TOPBP1: variants seen among roughly 807,000 people sequenced by gnomAD.
The protein encoded by TOPBP1 is DNA topoisomerase II binding protein 1.
TOPBP1 carries 28 observed loss-of-function variants against 167.7 expected under a neutral mutation model. That is an observed-to-expected ratio of 0.17 (90% CI 0.12 to 0.23). TOPBP1 has a LOEUF of 0.23. Ranked by LOEUF, TOPBP1 falls within the 10% of genes least tolerant of loss-of-function variation. TOPBP1 has a pLI of 1.00. For missense variants in TOPBP1, 1,554 were observed against 1,809.6 expected (o/e 0.86, Z 2.56); for synonymous variants, 598 against 611.4 (o/e 0.98, Z 0.32).
rs560408162 is a variant in TOPBP1 at position 133,602,643 on chromosome 3, A to C, written c.4426-1250T>G. Among the ~76,000 whole-genome samples, 6 of 152,340 alleles carry C rather than the reference A, an allele frequency of 3.9e-5. No homozygotes were observed. In the South Asian group the frequency reaches 1.2e-3, roughly 32 times the overall value. On this transcript the variant is annotated intron_variant, in intron 27 of 27. Coordinates refer to ENST00000260810, the MANE Select transcript of TOPBP1 (RefSeq NM_007027.4). ...GTCAGCACACTTTCTGTAAAGGCTCAGACAGAAACATTTTAGATTTTGTGG... is the reference window on the plus strand; with the variant it reads ...GTCAGCACACTTTCTGTAAAGGCTCCGACAGAAACATTTTAGATTTTGTGG...
At chr3:133,640,866 T>C (rs1207898339) in intron 12 of TOPBP1, among the ~76,000 whole-genome samples, 2 of 152,212 alleles carry the variant, frequency 1.3e-5, no homozygotes, top group African/African-American at 4.8e-5. Context: ...TTATCTCATT[T>C]GATCCTCTCA....
chr3:133,653,588 A>C, intron 6 of TOPBP1, 64 bp from the exon 7 acceptor site: 2 of 1,333,246 alleles, frequency 1.5e-6, no homozygotes, highest in Non-Finnish European at 2.0e-6. Context: ...AAACCATTAC[A>C]ATCTATCTTT....
chr3:133,632,241 C>T (rs909999918), intron 14 of TOPBP1, among the ~76,000 whole-genome samples: 2 of 151,690 alleles, frequency 1.3e-5, no homozygotes, highest in Non-Finnish European at 2.9e-5. Flanking sequence ...CCCGTCTCTA[C>T]TGAAAATACA....
intron 23 of TOPBP1, among the ~76,000 whole-genome samples, chr3:133,615,697 A>T (rs1278302454): frequency 6.6e-6 from 1 of 152,140 alleles, no homozygotes; most frequent in South Asian, 2.1e-4. Context: ...ACTTTATATA[A>T]AAAAAAACTC....
rs1936736205 is a variant in TOPBP1, at chr3:133,661,895, A to C, written c.-134T>G. 1 of 152,218 alleles carries C rather than the reference A, an allele frequency of 6.6e-6. No individual in the cohort carries two copies. Among genetic ancestry groups the C allele is most frequent in the African/African-American group, 2.4e-5 (1 of 41,472 alleles). The allele number at this position is 152,218 out of a possible 1,614,324, so 9.4% of individuals were successfully genotyped here. On this transcript the variant is annotated 5_prime_UTR_variant, in exon 1 of 28. Coordinates refer to ENST00000260810, the MANE Select transcript of TOPBP1 (RefSeq NM_007027.4). ...CCGACTCGGCGCCGCCCCTACCCCA[A>C]AGCAAACGCTGGAGAACCCGGAAAT... is the stretch of plus-strand genomic sequence containing the variant.
At chr3:133,657,666 T>C (rs1936523944) in intron 4 of TOPBP1, 132 bp downstream of exon 4, 2 of 574,148 alleles carry the variant, frequency 3.5e-6, no homozygotes, top group Admixed American at 8.4e-5. Context: ...CACACTGTGG[T>C]TGTATACTGA....
Position 133,618,236 on chromosome 3 carries a change from T to G in TOPBP1, c.3569A>C (p.His1190Pro), listed in dbSNP as rs779093286. The G allele has an allele frequency of 6.2e-7, 1 of 1,613,900 alleles. No homozygotes were observed. Among genetic ancestry groups the G allele is most frequent in the Non-Finnish European group, 8.5e-7 (1 of 1,179,794 alleles). Residue 1190 changes from histidine to proline, a missense_variant, in exon 21 of 28, where the codon CAT (histidine) becomes CCT (proline). Around this residue, in one of 3 missense-constraint regions of TOPBP1, gnomAD observed 351 missense variants for 432.9 expected, o/e 0.81. Coordinates refer to ENST00000260810, the MANE Select transcript of TOPBP1 (RefSeq NM_007027.4). ...LEDSPFQKPL[H>P]DSEIAKQAVC... ...ACCCTGTTTAGCAATTTCTGAATCA[T>G]GTAAAGGCTTTTGAAAAGGAGAATC...
chr3:133,608,686 C>A lies in TOPBP1; in HGVS notation c.4274G>T (p.Gly1425Val). 3 of 1,613,036 alleles carry A rather than the reference C, an allele frequency of 1.9e-6. No individual in the cohort carries two copies. The highest frequency in any genetic ancestry group is 2.5e-6 in the Non-Finnish European group (3 of 1,179,642). ...CTCTTTAAATAAAGGTACAGAATGA[C>A]CAGGTAGCACCTAATGAAAAAACAA... ...LQSGGAKVLP[G>V]HSVPLFKEAT... The change falls in exon 27 of 28, where the codon GGT (glycine) becomes GTT (valine). Residue 1425 changes from glycine to valine, a missense_variant. Gly to Val is a moderately radical substitution (Grantham distance 109). This residue lies in a region of TOPBP1 where 351 missense variants were observed against 432.9 expected (regional missense o/e 0.81). Coordinates refer to ENST00000260810, the MANE Select transcript of TOPBP1 (RefSeq NM_007027.4).
intron 13 of TOPBP1, among the ~76,000 whole-genome samples, chr3:133,638,815 T>C (rs1189155917): frequency 2.0e-5 from 3 of 152,296 alleles, no homozygotes; most frequent in East Asian, 1.9e-4. Flanking sequence ...CCTTATTAGA[T>C]AGCTACTCCA....
chr3:133,661,214 G>A (rs1936701167), intron 1 of TOPBP1, 80 bp from the exon 2 acceptor site: 1 of 1,054,436 alleles, frequency 9.5e-7, no homozygotes, highest in African/African-American at 1.7e-5. Flanking sequence ...CTATTTTTCT[G>A]TGCAGACAAG....
At position 133,623,414 on chromosome 3, in the gene TOPBP1, T is replaced by A. The variant is rs1307338369; in HGVS notation, c.2972A>T (p.His991Leu). Residue 991 changes from histidine (H) to leucine (L), a missense_variant, in exon 18 of 28, where the codon CAT becomes CTT. His to Leu is a moderately conservative substitution (Grantham distance 99, BLOSUM62 -3). Coordinates refer to ENST00000260810, the MANE Select transcript of TOPBP1 (RefSeq NM_007027.4). ...CAAGCTCATTTTGGGATTATAAGTATGTGGATAAAGAGATTCAGGAAGATG... is the reference window on the plus strand; with the variant it reads ...CAAGCTCATTTTGGGATTATAAGTAAGTGGATAAAGAGATTCAGGAAGATG... ...CKHLPESLYP[H>L]TYNPKMSLDI... 6.2e-7 allele frequency: 1 copy of A among 1,612,956 alleles called. No homozygotes were observed. Among genetic ancestry groups the A allele is most frequent in the Non-Finnish European group, 8.5e-7 (1 of 1,179,432 alleles).
intron 22 of TOPBP1, 49 bp downstream of exon 22, chr3:133,617,111 C>T: frequency 6.5e-7 from 1 of 1,541,462 alleles, no homozygotes; most frequent in African/African-American, 1.4e-5. Flanking sequence ...CTAATACAGC[C>T]TAACAGCAGT....
At chr3:133,657,777 C>A in intron 4 of TOPBP1, 21 bp downstream of exon 4, 1 of 1,506,704 alleles carries the variant, frequency 6.6e-7, no homozygotes, top group Non-Finnish European at 8.9e-7. Flanking sequence ...ATTGATCAAT[C>A]ATCATGAGAT....
intron 20 of TOPBP1, among the ~76,000 whole-genome samples, chr3:133,619,721 C>T (rs1451592427): frequency 6.6e-6 from 1 of 152,162 alleles, no homozygotes; most frequent in African/African-American, 2.4e-5. Context: ...GAATCCATTT[C>T]AAATGAGGCA....
chr3:133,637,382 A>G (rs899459791), intron 14 of TOPBP1, among the ~76,000 whole-genome samples: 2 of 152,220 alleles, frequency 1.3e-5, no homozygotes, highest in Non-Finnish European at 2.9e-5. Flanking sequence ...AAACTAAAAC[A>G]CAGACTTAAC....
At chr3:133,652,077 T>C (rs554315608) in intron 8 of TOPBP1, among the ~76,000 whole-genome samples, 7 of 151,594 alleles carry the variant, frequency 4.6e-5, no homozygotes, top group African/African-American at 1.2e-4. Context: ...TTACAGGAAG[T>C]TATGATTGTG....
chr3:133,618,895 G>C (rs1326399688), intron 20 of TOPBP1, among the ~76,000 whole-genome samples: 4 of 151,742 alleles, frequency 2.6e-5, no homozygotes, highest in Non-Finnish European at 1.5e-5. Flanking sequence ...TGCTGTAAAG[G>C]CTGCCTTATC....
At chr3:133,636,071 A>G (rs2107804137) in intron 14 of TOPBP1, among the ~76,000 whole-genome samples, 1 of 68,444 alleles carries the variant, frequency 1.5e-5, no homozygotes, top group East Asian at 3.0e-4. Context: ...AAGCATAACA[A>G]AACTATAGTT....
At chr3:133,655,528 C>T in intron 5 of TOPBP1, 42 bp from the exon 6 acceptor site, 1 of 1,113,062 alleles carries the variant, frequency 9.0e-7, no homozygotes, top group Non-Finnish European at 1.2e-6. Flanking sequence ...ATTAAATTTA[C>T]CAGAAGAATA....
Sources: allele counts gnomAD v4.1 joint callset (sites outside exome capture counted in the v4.1 genomes callset), GRCh38; gene constraint gnomAD v4.1.1; regional missense constraint gnomAD v4.1.1; transcripts MANE v1.5; gene names NCBI Gene and HGNC (gene_info 2026-07-23, HGNC 2026-07-21).